The following TANK variants were observed in gnomAD, a reference collection of about 807,000 sequenced individuals.
TANK encodes the protein TRAF family member associated NFKB activator, also known as TRAF family member-associated NF-kappa-B activator.
Under a neutral mutation model 43.6 loss-of-function variants are expected in TANK, and 15 were observed. The observed-to-expected ratio is 0.34, with a 90% CI of 0.23 to 0.53. TANK has a LOEUF of 0.53. Ranked by LOEUF, TANK falls within the 20% of genes least tolerant of loss-of-function variation. The pLI is 0.94. For missense variants in TANK, 417 were observed against 498.6 expected, an observed-to-expected ratio of 0.84 and a Z score of 1.56; for synonymous variants, 162 against 178.2, an observed-to-expected ratio of 0.91 and a Z score of 0.73.
At chr2:161,168,631 A>G (rs1348199936) in intron 1 of TANK, among the ~76,000 whole-genome samples, 5 of 152,186 alleles carry the variant, frequency 3.3e-5, no homozygotes, top group Admixed American at 3.3e-4. Context: ...CTGGGAGTTC[A>G]AGACCATCCT....
chr2:161,161,216 T>G, intron 1 of TANK: 1 of 1,529,978 alleles, frequency 6.5e-7, no homozygotes, highest in Non-Finnish European at 8.8e-7. Flanking sequence ...TGTGCCTTTA[T>G]TGTTATGCTA....
chr2:161,165,302 A>T (rs550060629), intron 1 of TANK, among the ~76,000 whole-genome samples: 1 of 152,220 alleles, frequency 6.6e-6, no homozygotes, highest in Non-Finnish European at 1.5e-5. Context: ...GTGACTTGCT[A>T]TAAGGGACAG....
intron 1 of TANK, chr2:161,161,226 A>G: frequency 3.2e-6 from 5 of 1,543,588 alleles, no homozygotes; most frequent in South Asian, 1.2e-5. Flanking sequence ...TTGTTATGCT[A>G]TAACGAGCAA....
intron 1 of TANK, chr2:161,161,328 A>G (rs1295288731): frequency 6.4e-7 from 1 of 1,550,598 alleles, no homozygotes; most frequent in Non-Finnish European, 8.7e-7. Context: ...ATGGTAGTAA[A>G]GGAAGTGAAG....
chr2:161,190,391 G>A (rs1479472090), intron 2 of TANK, among the ~76,000 whole-genome samples: 1 of 152,066 alleles, frequency 6.6e-6, no homozygotes, highest in Non-Finnish European at 1.5e-5. Flanking sequence ...AAATGGTATG[G>A]CAATTCTTAA....
At position 161,144,200 on chromosome 2, in the gene TANK, G is replaced by A. The variant is rs572292252; in HGVS notation, c.-50+7137G>A. Among the ~76,000 whole-genome samples the A allele has an allele frequency of 1.9e-3, 289 of 151,892 alleles. 2 individuals carry two copies. The highest frequency in any genetic ancestry group is 2.4e-3 in the Non-Finnish European group (163 of 67,866). On this transcript the variant is annotated intron_variant, in intron 1 of 7. Transcript: ENST00000259075. ...ATTGTGTCTATTTGAGTCTTCTCTC[G>A]TTTCTTTTTTATTAGTCTAGGTAGT...
rs1687975679 is a variant in TANK at position 161,232,641 on chromosome 2, G to C, written c.1101+1090G>C. On this transcript the variant is annotated intron_variant, in intron 7 of 7. Coordinates refer to ENST00000392749, the MANE Select transcript of TANK (RefSeq NM_001199135.3). ...AACAAATTAAACAATTTCATTTATT[G>C]CAAGTAGAATTCCTGTGGAGCTGTG... The C allele has an allele frequency of 5.2e-6, 7 of 1,356,002 alleles. No individual in the cohort carries two copies. The East Asian group carries it at 1.3e-4, about 25-fold the overall frequency. The allele number at this position is 1,356,002 out of a possible 1,614,324, so 84.0% of individuals were successfully genotyped here.
At chr2:161,149,498 C>G (rs893670131) in intron 1 of TANK, among the ~76,000 whole-genome samples, 4 of 152,142 alleles carry the variant, frequency 2.6e-5, no homozygotes, top group African/African-American at 9.7e-5. Flanking sequence ...TCTAATTGCA[C>G]TGGCTACTGT....
At chr2:161,145,133 C>CTTTTTT (rs144526006) in intron 1 of TANK, among the ~76,000 whole-genome samples, 6 of 32,830 alleles carry the variant, frequency 1.8e-4, no homozygotes, top group Non-Finnish European at 3.1e-4. Context: ...GCAACCCCTG[C>CTTTTTT]TTTTTTTTTT....
intron 1 of TANK, among the ~76,000 whole-genome samples, chr2:161,177,767 A>G (rs1375249068): frequency 6.6e-6 from 1 of 152,138 alleles, no homozygotes; most frequent in Non-Finnish European, 1.5e-5. Context: ...AATACTTACA[A>G]ATCATATATT....
intron 1 of TANK, chr2:161,160,728 A>T (rs1684381623): frequency 3.7e-6 from 2 of 543,044 alleles, no homozygotes; most frequent in Non-Finnish European, 7.1e-6. Context: ...ATGTCAGCAT[A>T]GCATCGTCGG....
At chr2:161,210,134 G>A (rs935248017) in intron 4 of TANK, among the ~76,000 whole-genome samples, 3 of 152,146 alleles carry the variant, frequency 2.0e-5, no homozygotes, top group African/African-American at 7.2e-5. Context: ...TGGTGGCTTT[G>A]AGGAACAAGA....
chr2:161,203,846 TAGC>T (rs1686528083), intron 3 of TANK, among the ~76,000 whole-genome samples: 1 of 152,112 alleles, frequency 6.6e-6, no homozygotes. Flanking sequence ...TGCCAGTAAA[TAGC>T]AGCAAAAGCT....
At chr2:161,203,632 C>A (rs1350265529) in intron 3 of TANK, 37 bp downstream of exon 3, 2 of 1,378,610 alleles carry the variant, frequency 1.5e-6, no homozygotes, top group Non-Finnish European at 2.0e-6. Context: ...TTTCTAGAAC[C>A]TCTTGGTGAA....
intron 4 of TANK, among the ~76,000 whole-genome samples, chr2:161,219,271 G>T (rs1046253559): frequency 6.6e-6 from 1 of 152,226 alleles, no homozygotes; most frequent in African/African-American, 2.4e-5. Flanking sequence ...AGATTGTGGG[G>T]ATGGGTTATG....
intron 4 of TANK, among the ~76,000 whole-genome samples, chr2:161,208,855 T>C (rs1047023536): frequency 5.9e-5 from 9 of 152,222 alleles, no homozygotes; most frequent in African/African-American, 1.9e-4. Context: ...CACTTAATTT[T>C]GTTCATTAGA....
intron 1 of TANK, chr2:161,139,712 T>G (rs1321741769): frequency 5.7e-5 from 56 of 985,292 alleles, no homozygotes; most frequent in Non-Finnish European, 6.3e-5. Context: ...TATTTTGGCT[T>G]CATAATTCTG....
chr2:161,176,604 C>G (rs757092990), intron 1 of TANK, among the ~76,000 whole-genome samples: 1 of 152,052 alleles, frequency 6.6e-6, no homozygotes, highest in Non-Finnish European at 1.5e-5. Context: ...TGCACCTTCT[C>G]GATAGAACAG....
chr2:161,147,924 G>T (rs1683963050), intron 1 of TANK, among the ~76,000 whole-genome samples: 1 of 152,080 alleles, frequency 6.6e-6, no homozygotes, highest in Non-Finnish European at 1.5e-5. Flanking sequence ...GTCTGTTGAT[G>T]GATAGGGTAT....
Sources: allele counts gnomAD v4.1 joint callset (sites outside exome capture counted in the v4.1 genomes callset), GRCh38; gene constraint gnomAD v4.1.1; transcripts MANE v1.5; gene names NCBI Gene and HGNC (gene_info 2026-07-23, HGNC 2026-07-21).